Variants in SYTL5 observed in about 807,000 individuals in gnomAD.
SYTL5 encodes synaptotagmin-like protein 5.
In SYTL5, 34 loss-of-function variants were observed where a neutral mutation model predicts 55.9. The observed-to-expected ratio is 0.61, with a 90% confidence interval of 0.46 to 0.81. SYTL5 has a LOEUF of 0.81. Ranked by LOEUF, SYTL5 falls within the 30% of genes least tolerant of loss-of-function variation. The pLI, the probability that SYTL5 is intolerant of heterozygous loss-of-function variation, is 0.00. For missense variants in SYTL5, 637 were observed against 546.7 expected (o/e 1.17, Z -1.65); for synonymous variants, 221 against 188.7 (o/e 1.17, Z -1.40).
intron 3 of SYTL5, among the ~76,000 whole-genome samples, chrX:38,056,099 A>T (rs964843730): frequency 1.8e-5 from 2 of 111,472 alleles, no homozygotes; most frequent in African/African-American, 6.5e-5. Flanking sequence ...AGCCATCTCC[A>T]CTTCCCTTGA....
chrX:38,110,634 A>C (rs1385685584), intron 13 of SYTL5, 152 bp downstream of exon 13: 1 of 402,410 alleles, frequency 2.5e-6, no homozygotes, highest in Non-Finnish European at 4.0e-6. Flanking sequence ...TATTATAAAA[A>C]TGTTGTAAAT....
At chrX:37,988,106 A>G in the SYTL5 span, among the ~76,000 whole-genome samples, 32 of 112,174 alleles carry the variant, frequency 2.9e-4, no homozygotes, top group Admixed American at 2.3e-3. Context: ...GTATTATCTG[A>G]TAGAACCTAA....
the SYTL5 span, among the ~76,000 whole-genome samples, chrX:37,935,820 T>C: frequency 3.6e-5 from 4 of 112,265 alleles, no homozygotes; most frequent in African/African-American, 9.7e-5. Flanking sequence ...AAGGCAATAA[T>C]GGATGACTAA....
intron 1 of SYTL5, among the ~76,000 whole-genome samples, chrX:38,012,462 T>A (rs1000431526): frequency 3.1e-4 from 34 of 111,039 alleles, no homozygotes; most frequent in African/African-American, 1.1e-3. Flanking sequence ...GACGTGGGGG[T>A]GTGCAATAGA....
rs902070756 is a variant in SYTL5 at position 38,073,683 on chromosome X, G to A, written c.539G>A (p.Gly180Glu). 8.4e-7 allele frequency: 1 copy of A among 1,186,680 alleles called. No individual in the cohort carries two copies. ...GCTGGGAAGAAGGCCAGCCATGATG[G>A]GCCCAAGAGAAAGGGGTAAGACATG... ...PVAGKKASHD[G>E]PKRKGFLLSK... is the part of the protein sequence containing the mutation. Residue 180 changes from glycine to glutamate, a missense_variant, in exon 5 of 17, where the codon GGG (glycine) becomes GAG (glutamate). Physicochemically the swap from Gly to Glu is moderately conservative, Grantham distance 98. Transcript: ENST00000297875.
the SYTL5 span, chrX:37,991,310 C>A: frequency 9.4e-7 from 1 of 1,069,090 alleles, no homozygotes; most frequent in Admixed American, 3.4e-5. Context: ...GATGTAAATC[C>A]ATGAGTATGT....
At chrX:37,949,839 T>C in the SYTL5 span, among the ~76,000 whole-genome samples, 1 of 112,082 alleles carries the variant, frequency 8.9e-6, no homozygotes, top group African/African-American at 3.2e-5. Flanking sequence ...TGTTTAACAT[T>C]ATAATTGCAT....
chrX:38,040,468 C>T (rs1935252381), intron 2 of SYTL5, among the ~76,000 whole-genome samples: 1 of 108,247 alleles, frequency 9.2e-6, no homozygotes, highest in Admixed American at 9.9e-5. Context: ...CCCCCCGACC[C>T]GAGCCCCACA....
At chrX:38,023,808 T>G (rs1934652268) in intron 1 of SYTL5, 2 of 110,933 alleles carry the variant, frequency 1.8e-5, no homozygotes, top group South Asian at 7.9e-4. Context: ...ATTAAGGCTT[T>G]CTCTTAGCCA....
rs768605443 is a variant in SYTL5 at position 38,128,705 on chromosome X, G to T, written c.*1975G>T. On this transcript the variant is annotated 3_prime_UTR_variant, in exon 17 of 17. Coordinates refer to ENST00000297875, the MANE Select transcript of SYTL5 (RefSeq NM_138780.3). Reference sequence around the variant, plus strand: ...GTGTCGCTTAGCAAGGTACTTAAAAGAAAATCTGCACATATCCTTGTGCTG... The same window carrying T: ...GTGTCGCTTAGCAAGGTACTTAAAATAAAATCTGCACATATCCTTGTGCTG... 1 of 111,597 alleles carries T rather than the reference G, an allele frequency of 9.0e-6. No individual in the cohort carries two copies. Among genetic ancestry groups the T allele is most frequent in the Non-Finnish European group, 1.9e-5 (1 of 53,106 alleles). 9.2% of individuals were successfully genotyped at this position (111,597 alleles called of 1,213,427 possible). A position where few individuals can be genotyped will look rare whatever the true frequency, so the allele number is the denominator to read the frequency against.
the SYTL5 span, among the ~76,000 whole-genome samples, chrX:37,907,157 T>C: frequency 1.8e-5 from 2 of 111,960 alleles, no homozygotes; most frequent in African/African-American, 3.3e-5. Context: ...TGTTAACAAG[T>C]GGTCTTAATT....
chrX:37,992,957 G>A, the SYTL5 span, among the ~76,000 whole-genome samples: 14 of 110,720 alleles, frequency 1.3e-4, no homozygotes, highest in Non-Finnish European at 2.1e-4. Context: ...AATTTCAACC[G>A]TGAGTCAAGT....
chrX:38,127,140 C>T lies in SYTL5; in HGVS notation c.*410C>T, dbSNP rs1937675498. 8.6e-6 allele frequency: 1 copy of T among 116,746 alleles called. No individual in the cohort carries two copies. The allele number at this position is 116,746 out of a possible 1,213,427, so 9.6% of individuals were successfully genotyped here. ...AAAAGTCAGAAGAAAGGATACTGGC[C>T]AACTTTTACTCACCCTAGGAATCCA... On this transcript the variant is annotated 3_prime_UTR_variant, in exon 17 of 17. Transcript: ENST00000297875.
intron 2 of SYTL5, among the ~76,000 whole-genome samples, chrX:38,042,194 A>G (rs1916358847): frequency 9.0e-6 from 1 of 110,764 alleles, no homozygotes; most frequent in Non-Finnish European, 1.9e-5. Context: ...GACTATATAT[A>G]GAAATATATA....
At chrX:38,043,265 A>G (rs1295975003) in intron 2 of SYTL5, among the ~76,000 whole-genome samples, 1 of 110,540 alleles carries the variant, frequency 9.0e-6, no homozygotes, top group Non-Finnish European at 1.9e-5. Context: ...CAATGGGCTT[A>G]TTACAGAAAA....
chrX:37,947,028 C>A, the SYTL5 span, among the ~76,000 whole-genome samples: 1 of 110,974 alleles, frequency 9.0e-6, no homozygotes, highest in Non-Finnish European at 1.9e-5. Context: ...TTGCCTTACT[C>A]TCTCTCTTGC....
chrX:37,893,794 G>A, the SYTL5 span, among the ~76,000 whole-genome samples: 1 of 84,774 alleles, frequency 1.2e-5, no homozygotes, highest in East Asian at 3.2e-4. Context: ...ATAGAGATTA[G>A]TATATATAAT....
At chrX:37,999,908 T>C in the SYTL5 span, among the ~76,000 whole-genome samples, 2 of 111,754 alleles carry the variant, frequency 1.8e-5, no homozygotes, top group Non-Finnish European at 3.8e-5. Flanking sequence ...AGCTCTTTCC[T>C]CTCCTTTATC....
chrX:37,991,856 G>C, the SYTL5 span, among the ~76,000 whole-genome samples: 2 of 111,921 alleles, frequency 1.8e-5, no homozygotes, highest in Admixed American at 1.9e-4. Context: ...TTTATGCCCT[G>C]CCTTATTATG....
Sources: gnomAD v4.1 joint callset for allele counts (sites outside exome capture counted in the v4.1 genomes callset) on GRCh38, gnomAD v4.1.1 for gene constraint, MANE v1.5 for transcripts, NCBI Gene and HGNC (gene_info 2026-07-23, HGNC 2026-07-21) for gene names.